The following PLPP5 variants were observed in gnomAD, a reference collection of about 807,000 sequenced individuals.
PLPP5 encodes the protein phospholipid phosphatase 5, also known as diacylglycerol pyrophosphate like 1.
In PLPP5, 29 loss-of-function variants were observed where a neutral mutation model predicts 23.6. The ratio of observed to expected loss-of-function variants is 1.23; its 90% CI spans 0.92 to 1.68. The LOEUF (loss-of-function observed/expected upper bound fraction) is 1.68, where lower values mean the gene tolerates loss of function less well. PLPP5 is among the 40% of genes most tolerant of loss of function. The pLI is 0.00. For synonymous variants in PLPP5, 143 were observed against 131.3 expected (o/e 1.09, Z -0.61); for missense variants, 315 against 332.1 (o/e 0.95, Z 0.40).
Position 38,268,396 on chromosome 8 carries a change from T to C in PLPP5, c.249A>G (p.Thr83=). Residue 83 remains threonine, a synonymous_variant, in exon 3 of 7, where the codon ACA becomes ACG. Coordinates refer to ENST00000424479, the MANE Select transcript of PLPP5 (RefSeq NM_001102559.2). ...FLAKFLKKAD[T]RDSRQACLAA... ...CCAGGCAGGCTTGTCTGCTGTCTCT[T>C]GTGTCTGCCTTCTTGAGAAATTTGG... 1 of 1,572,468 alleles carries C rather than the reference T, an allele frequency of 6.4e-7. No homozygotes were observed. The highest frequency in any genetic ancestry group is 8.6e-7 in the Non-Finnish European group (1 of 1,158,856).
intron 5 of PLPP5, 98 bp from the exon 6 acceptor site, chr8:38,266,409 T>C: frequency 2.5e-6 from 3 of 1,180,616 alleles, no homozygotes; most frequent in Non-Finnish European, 3.6e-6. Flanking sequence ...TGTTTTTATT[T>C]ATTTATTTTT....
chr8:38,268,987 C>T lies in PLPP5; in HGVS notation c.78G>A (p.Val26=), dbSNP rs753844536. The T allele has an allele frequency of 1.3e-6, 2 of 1,571,974 alleles. No homozygotes were observed. The highest frequency in any genetic ancestry group is 4.0e-5 in the Admixed American group (2 of 50,074). Residue 26 remains valine, a synonymous_variant, in exon 2 of 7, where the codon GTG becomes GTA. Transcript: ENST00000424479. ...TCTGGAACGGGGGGAGCAGCTCCGTCACCCTAGAGGGGAACAAAGAAGCGC... is the reference window on the plus strand; with the variant it reads ...TCTGGAACGGGGGGAGCAGCTCCGTTACCCTAGAGGGGAACAAAGAAGCGC... The part of the protein sequence containing the change: ...VRLALFAAFL[V]TELLPPFQRL...
chr8:38,265,264 C>CAA lies in PLPP5; in HGVS notation c.635-662_635-661dup, dbSNP rs1228103198. 6.7e-3 allele frequency among the ~76,000 whole-genome samples: 472 copies of CAA among 70,704 alleles called. 8 individuals carry two copies. The highest frequency in any genetic ancestry group is 0.014 in the Middle Eastern group (2 of 148). 46.4% of individuals were successfully genotyped at this position (70,704 alleles called of 152,430 possible). A position where few individuals can be genotyped will look rare whatever the true frequency, so the allele number is the denominator to read the frequency against. On this transcript the variant is annotated intron_variant, in intron 6 of 6. Transcript: ENST00000424479. The stretch of plus-strand genomic sequence containing the variant: ...CTGGGCGCAGAGCTAGACTCTGTCT[C>CAA]AAAAAAAAAAAAAAAAAAAAGAGTT...
At chr8:38,268,818 C>T in intron 2 of PLPP5, 64 bp downstream of exon 2, 2 of 1,462,608 alleles carry the variant, frequency 1.4e-6, no homozygotes, top group Non-Finnish European at 1.8e-6. Context: ...GGGTGGAAAA[C>T]GCACAGGTGC....
In PLPP5 at chr8:38,267,271, A is replaced by G; in HGVS notation, c.459T>C (p.Ser153=). ...GAGTCCATATGATATTCATACAGGAAGAATGTCCACTGGGGAAGCTCTTTC... is the reference window on the plus strand; with the variant it reads ...GAGTCCATATGATATTCATACAGGAGGAATGTCCACTGGGGAAGCTCTTTC... ...EGRKSFPSGH[S]SFAFAGLAFA... Residue 153 remains serine, a synonymous_variant, in exon 5 of 7, where the codon TCT becomes TCC. Coordinates refer to ENST00000424479, the MANE Select transcript of PLPP5 (RefSeq NM_001102559.2). 3 of 1,614,012 alleles carry G rather than the reference A, an allele frequency of 1.9e-6. No individual in the cohort carries two copies. The highest frequency in any genetic ancestry group is 2.2e-5 in the South Asian group (2 of 91,084).
rs764505648 is a variant in PLPP5, at chr8:38,266,164, C to T, written c.611G>A (p.Cys204Tyr). 2.5e-6 allele frequency: 4 copies of T among 1,613,940 alleles called. No individual in the cohort carries two copies. Among genetic ancestry groups the T allele is most frequent in the African/African-American group, 2.7e-5 (2 of 74,932 alleles). Reference protein sequence around the residue: ...FAAVIALSRTCDYKHHWQDVL... With the variant: ...FAAVIALSRTYDYKHHWQDVL... ...ACCTTGCCAGTGATGCTTGTAGTCA[C>T]ATGTGCGGGACAGTGCAATCACAGC... Residue 204 changes from cysteine (C) to tyrosine (Y), a missense_variant, in exon 6 of 7, where the codon TGT becomes TAT. By Grantham distance (194) the Cys-to-Tyr change is radical. Transcript: ENST00000424479.
rs1807216093 is a variant in PLPP5 at position 38,263,745 on chromosome 8, T to C, written c.*699A>G. ...CCCTAGATTTTAAGATTTTGAGCTATATGAAATGGAAATTAAGTTTTGATA... is the reference window on the plus strand; with the variant it reads ...CCCTAGATTTTAAGATTTTGAGCTACATGAAATGGAAATTAAGTTTTGATA... On this transcript the variant is annotated 3_prime_UTR_variant, in exon 7 of 7. Transcript: ENST00000424479. 1.0e-6 allele frequency: 1 copy of C among 985,292 alleles called. No individual in the cohort carries two copies. Among genetic ancestry groups the C allele is most frequent in the African/African-American group, 1.7e-5 (1 of 57,246 alleles). 61.0% of individuals were successfully genotyped at this position (985,292 alleles called of 1,614,324 possible).
intron 6 of PLPP5, 195 bp from the exon 7 acceptor site, chr8:38,264,799 G>A (rs1198409423): frequency 3.3e-6 from 5 of 1,520,998 alleles, no homozygotes; most frequent in Non-Finnish European, 4.4e-6. Flanking sequence ...TCATTGTCAG[G>A]TTGCTTTCTG....
At position 38,264,151 on chromosome 8, in the gene PLPP5, A is replaced by T. The variant is rs1328187246; in HGVS notation, c.*293T>A. 40 of 862,996 alleles carry T rather than the reference A, an allele frequency of 4.6e-5. No individual in the cohort carries two copies. The highest frequency in any genetic ancestry group is 3.1e-4 in the East Asian group (3 of 9,776). The allele number at this position is 862,996 out of a possible 1,614,324, so 53.5% of individuals were successfully genotyped here. A position where few individuals can be genotyped will look rare whatever the true frequency, so the allele number is the denominator to read the frequency against. On this transcript the variant is annotated 3_prime_UTR_variant, in exon 7 of 7. Transcript: ENST00000424479. ...CCTGTTCTCTATTGAGATAGATTCA[A>T]TTTTTTTTTTTTTTGAGATGGGGTC... is the stretch of plus-strand genomic sequence containing the variant.
chr8:38,264,775 T>C (rs1585794435), intron 6 of PLPP5, 171 bp from the exon 7 acceptor site: 2 of 1,474,882 alleles, frequency 1.4e-6, no homozygotes, highest in South Asian at 1.4e-5. Context: ...AATTTTATCA[T>C]AGTTACAGTA....
Position 38,264,086 on chromosome 8 carries a change from TTCTTG to T in PLPP5, c.*353_*357del. On this transcript the variant is annotated 3_prime_UTR_variant, in exon 7 of 7. Coordinates refer to ENST00000424479, the MANE Select transcript of PLPP5 (RefSeq NM_001102559.2). ...TGGAAGGGGAAAAAAAGGCTAGAAT[TTCTTG>T]TCTTGTGCATGGTCCGGTTAGGAGG... 2 of 991,508 alleles carry T rather than the reference TTCTTG, an allele frequency of 2.0e-6. No homozygotes were observed. The highest frequency in any genetic ancestry group is 2.4e-6 in the Non-Finnish European group (2 of 834,038). The allele number at this position is 991,508 out of a possible 1,614,324, so 61.4% of individuals were successfully genotyped here.
intron 4 of PLPP5, 109 bp downstream of exon 4, chr8:38,267,788 G>T: frequency 8.8e-7 from 1 of 1,139,834 alleles, no homozygotes. Flanking sequence ...TCAGAGTGAA[G>T]ATAAAGGAGA....
intron 6 of PLPP5, among the ~76,000 whole-genome samples, chr8:38,265,250 G>A (rs1807411119): frequency 7.5e-6 from 1 of 132,968 alleles, no homozygotes. Flanking sequence ...TGGGCGCAGA[G>A]CTAGACTCTG....
intron 2 of PLPP5, 102 bp from the exon 3 acceptor site, chr8:38,268,563 CATAA>C: frequency 6.7e-7 from 1 of 1,499,640 alleles, no homozygotes; most frequent in Non-Finnish European, 8.9e-7. Flanking sequence ...CTGGAGCTAA[CATAA>C]GGTCTCTGAG....
In PLPP5 at chr8:38,267,369, G is replaced by A. The variant is rs745649397; in HGVS notation, c.361C>T (p.Arg121Cys). ...TGGGCTAGCCCATCAGGGAAGCAGC[G>A]GTAGAAGAAATCTGGGCGTGGCCTG... ...VGRPRPDFFY[R>C]CFPDGLAHSD... The change falls in exon 5 of 7, where the codon CGC becomes TGC. Residue 121 changes from arginine (R) to cysteine (C), a missense_variant. Coordinates refer to ENST00000424479, the MANE Select transcript of PLPP5 (RefSeq NM_001102559.2). 7.4e-6 allele frequency: 12 copies of A among 1,613,566 alleles called. No individual in the cohort carries two copies. The South Asian group carries it at 7.7e-5, about 10-fold the overall frequency.
Position 38,263,682 on chromosome 8 carries a change from A to T in PLPP5, c.*762T>A, listed in dbSNP as rs60214805. On this transcript the variant is annotated 3_prime_UTR_variant, in exon 7 of 7. Coordinates refer to ENST00000424479, the MANE Select transcript of PLPP5 (RefSeq NM_001102559.2). ...TAAGGCTTGATGGAATTGTCATCAG[A>T]GAAGGTAAACAGAATCAAAGTAATT... 3.6e-3 allele frequency: 3,530 copies of T among 985,296 alleles called. 97 individuals carry two copies. In the African/African-American group the frequency reaches 0.058, roughly 16 times the overall value. 61.0% of individuals were successfully genotyped at this position (985,296 alleles called of 1,614,324 possible).
In PLPP5 at chr8:38,267,892, C is replaced by G; in HGVS notation, c.338+5G>C. 1 of 1,613,972 alleles carries G rather than the reference C, an allele frequency of 6.2e-7. No individual in the cohort carries two copies. The highest frequency in any genetic ancestry group is 8.5e-7 in the Non-Finnish European group (1 of 1,179,840). The stretch of plus-strand genomic sequence containing the variant: ...ATGCTGGGGTGGTTAGCTGTTGTCA[C>G]TTACCTCCCTACGATCAGTTTTATT... On this transcript the variant is annotated splice_donor_5th_base_variant and intron_variant, in intron 4 of 6. Transcript: ENST00000424479.
At chr8:38,268,317 C>T (rs928032387) in intron 3 of PLPP5, 54 bp downstream of exon 3, 21 of 1,467,432 alleles carry the variant, frequency 1.4e-5, no homozygotes, top group Admixed American at 6.0e-5. Flanking sequence ...AATCCCACAA[C>T]GACCTCCTAG....
chr8:38,264,590 A>T lies in PLPP5; in HGVS notation c.649T>A (p.Ser217Thr). The T allele has an allele frequency of 6.3e-7, 1 of 1,594,452 alleles. No homozygotes were observed. Among genetic ancestry groups the T allele is most frequent in the Non-Finnish European group, 8.5e-7 (1 of 1,170,100 alleles). Residue 217 changes from serine to threonine, a missense_variant, in exon 7 of 7, where the codon TCC becomes ACC. Transcript: ENST00000424479. Reference sequence around the variant, plus strand: ...TAGGCAAATGTCATTCCAATCATGGATCCAACTAGTACATCTGAAGAGAGT... The same window carrying T: ...TAGGCAAATGTCATTCCAATCATGGTTCCAACTAGTACATCTGAAGAGAGT... ...KHHWQDVLVG[S>T]MIGMTFAYVC...
Sources: allele counts gnomAD v4.1 joint callset (sites outside exome capture counted in the v4.1 genomes callset), GRCh38; gene constraint gnomAD v4.1.1; transcripts MANE v1.5; gene names NCBI Gene and HGNC (gene_info 2026-07-23, HGNC 2026-07-21).